Variants in MYH11 observed in about 807,000 individuals in gnomAD.
The protein encoded by MYH11 is myosin heavy chain 11, also known as myosin-11.
Under a neutral mutation model 246.6 loss-of-function variants are expected in MYH11, and 80 were observed. The observed-to-expected ratio is 0.32, with a 90% CI of 0.27 to 0.39. MYH11 has a LOEUF of 0.39. Ranked by LOEUF, MYH11 falls within the 10% of genes least tolerant of loss-of-function variation. The pLI, the probability that MYH11 is intolerant of heterozygous loss-of-function variation, is 1.00. For synonymous variants in MYH11, 1,071 were observed against 1,015.5 expected (o/e 1.05, Z -1.04); for missense variants, 2,158 against 2,546.8 (o/e 0.85, Z 3.29).
intron 8 of MYH11, 61 bp downstream of exon 8, chr16:15,776,017 C>T (rs978742868): frequency 5.1e-5 from 64 of 1,254,102 alleles, no homozygotes; most frequent in Admixed American, 4.4e-4. Context: ...CCCTTAACCC[C>T]GGATTCTGAT....
In MYH11 at chr16:15,714,997, G is replaced by A. The variant is rs1001859679; in HGVS notation, c.5698C>T (p.Arg1900Cys). ...EEESQRINAN[R>C]RKLQRELDEA... ...TCCAGCTCCCGCTGCAGCTTCCTGCGGTTGGCGTTGATGCGCTGGGACTCC... is the reference window on the plus strand; with the variant it reads ...TCCAGCTCCCGCTGCAGCTTCCTGCAGTTGGCGTTGATGCGCTGGGACTCC... Residue 1900 changes from arginine (R) to cysteine (C), a missense_variant, in exon 40 of 41, where the codon CGC (arginine) becomes TGC (cysteine). Transcript: ENST00000300036. 13 of 1,613,888 alleles carry A rather than the reference G, an allele frequency of 8.1e-6. No homozygotes were observed. Among genetic ancestry groups the A allele is most frequent in the Non-Finnish European group, 1.1e-5 (13 of 1,180,028 alleles).
intron 3 of MYH11, among the ~76,000 whole-genome samples, chr16:15,818,054 A>C (rs1442319825): frequency 6.6e-6 from 1 of 152,192 alleles, no homozygotes; most frequent in Non-Finnish European, 1.5e-5. Context: ...AGAAGGATGG[A>C]GTTTATAGGT....
chr16:15,795,055 G>A (rs1003546837), intron 4 of MYH11, among the ~76,000 whole-genome samples: 2 of 152,184 alleles, frequency 1.3e-5, no homozygotes, highest in Non-Finnish European at 2.9e-5. Context: ...TGTAATCCCA[G>A]CACTTTGGGA....
At chr16:15,748,010 A>G in intron 17 of MYH11, 37 bp downstream of exon 17, 1 of 1,613,838 alleles carries the variant, frequency 6.2e-7, no homozygotes, top group Non-Finnish European at 8.5e-7. Flanking sequence ...AGTCCCGCTC[A>G]CCCCCTGCCC....
At chr16:15,841,025 G>A (rs1567213749) in intron 1 of MYH11, among the ~76,000 whole-genome samples, 2 of 152,088 alleles carry the variant, frequency 1.3e-5, no homozygotes, top group South Asian at 4.1e-4. Context: ...GTTCTATCTG[G>A]TCAAATACGA....
At chr16:15,841,407 G>T (rs2044047479) in intron 1 of MYH11, among the ~76,000 whole-genome samples, 1 of 152,178 alleles carries the variant, frequency 6.6e-6, no homozygotes, top group Non-Finnish European at 1.5e-5. Context: ...CAAAGTGAAG[G>T]GATTACAGGC....
At chr16:15,854,096 G>T (rs2044398786) in intron 1 of MYH11, among the ~76,000 whole-genome samples, 1 of 152,098 alleles carries the variant, frequency 6.6e-6, no homozygotes. Context: ...ATCCAGGTAA[G>T]GAATGGTAGC....
intron 10 of MYH11, among the ~76,000 whole-genome samples, chr16:15,762,201 C>T (rs944782794): frequency 5.3e-5 from 8 of 152,318 alleles, no homozygotes; most frequent in South Asian, 4.1e-4. Flanking sequence ...TCTTGAACTC[C>T]TGACTTCAAG....
At chr16:15,837,603 T>C (rs537787430) in intron 2 of MYH11, among the ~76,000 whole-genome samples, 1 of 150,636 alleles carries the variant, frequency 6.6e-6, no homozygotes, top group African/African-American at 2.4e-5. Flanking sequence ...TGGTACAGTC[T>C]TGGCTCACTG....
chr16:15,725,486 G>A (rs981608565), intron 28 of MYH11: 14 of 428,740 alleles, frequency 3.3e-5, no homozygotes, highest in South Asian at 8.6e-5. Context: ...AGCCAGAGAC[G>A]CAGGCCCTAA....
chr16:15,722,161 A>T (rs1001169198), intron 31 of MYH11, among the ~76,000 whole-genome samples: 6 of 152,076 alleles, frequency 3.9e-5, no homozygotes, highest in Non-Finnish European at 8.8e-5. Flanking sequence ...ACCTGGCCAA[A>T]TCCTTGTGCT....
intron 1 of MYH11, among the ~76,000 whole-genome samples, chr16:15,854,459 A>C (rs2044410059): frequency 6.6e-6 from 1 of 152,196 alleles, no homozygotes. Flanking sequence ...AGCTATCTTA[A>C]GCAAGTTATT....
chr16:15,786,837 G>C, intron 4 of MYH11, 105 bp from the exon 5 acceptor site: 1 of 1,083,068 alleles, frequency 9.2e-7, no homozygotes, highest in Non-Finnish European at 1.4e-6. Context: ...ATTTCCCAGA[G>C]GGTGAAACAG....
At position 15,838,280 on chromosome 16, in the gene MYH11, A is replaced by C. The variant is rs543762319; in HGVS notation, c.-17-11T>G. 6.2e-7 allele frequency: 1 copy of C among 1,608,700 alleles called. No individual in the cohort carries two copies. Among genetic ancestry groups the C allele is most frequent in the African/African-American group, 1.3e-5 (1 of 74,884 alleles). ...TGCCTTGTTGGTCCCCTGTGGAATA[A>C]GGTAACAGGGTCAGAATCAGACCAC... is the stretch of plus-strand genomic sequence containing the variant. On this transcript the variant is annotated splice_polypyrimidine_tract_variant and intron_variant, in intron 1 of 40. Coordinates refer to ENST00000300036, the MANE Select transcript of MYH11 (RefSeq NM_002474.3).
chr16:15,704,623 A>G (rs1423877506), intron 40 of MYH11, among the ~76,000 whole-genome samples: 1 of 152,174 alleles, frequency 6.6e-6, no homozygotes, highest in Admixed American at 6.5e-5. Context: ...GAATTGGAAG[A>G]AGGTGAAATG....
chr16:15,721,353 G>T, intron 32 of MYH11, 69 bp downstream of exon 32: 2 of 1,523,314 alleles, frequency 1.3e-6, no homozygotes, highest in Non-Finnish European at 1.8e-6. Flanking sequence ...AGCCTCGCAT[G>T]GACTGGTGAA....
In MYH11 at chr16:15,724,244, C is replaced by T; in HGVS notation, c.4282G>A (p.Glu1428Lys). ...AAATCAACAACCAGGTCGTCCAGCT[C>T]CTGCTGAAGCCTGTTCTTGGTCTTT... ...LEKTKNRLQQ[E>K]LDDLVVDLDN... is the part of the protein sequence containing the mutation. Residue 1428 changes from glutamate (E) to lysine (K), a missense_variant, in exon 31 of 41, where the codon GAG (glutamate) becomes AAG (lysine). This residue lies in a region of MYH11 where 1,013 missense variants were observed against 993.5 expected (regional missense o/e 1.02). Transcript: ENST00000300036. 6.2e-7 allele frequency: 1 copy of T among 1,614,200 alleles called. No homozygotes were observed. The highest frequency in any genetic ancestry group is 8.5e-7 in the Non-Finnish European group (1 of 1,180,042).
intron 2 of MYH11, among the ~76,000 whole-genome samples, chr16:15,824,725 C>T (rs1415656543): frequency 6.6e-6 from 1 of 152,304 alleles, no homozygotes; most frequent in Non-Finnish European, 1.5e-5. Flanking sequence ...AGGTAATAAT[C>T]CTCCAAGCTC....
chr16:15,763,741 T>TGGGGGGGCC, intron 10 of MYH11, 55 bp downstream of exon 10: 9 of 646,852 alleles, frequency 1.4e-5, no homozygotes, highest in East Asian at 3.2e-5. Flanking sequence ...AAATGTCACC[T>TGGGGGGGCC]CCCCCACCCC....
Sources: gnomAD v4.1 joint callset for allele counts (sites outside exome capture counted in the v4.1 genomes callset) on GRCh38, gnomAD v4.1.1 for gene constraint, gnomAD v4.1.1 regional missense constraint, MANE v1.5 for transcripts, NCBI Gene and HGNC (gene_info 2026-07-23, HGNC 2026-07-21) for gene names.